YJU2B: variants seen among roughly 807,000 people sequenced by gnomAD.
YJU2B encodes the protein YJU2 splicing factor homolog B.
YJU2B carries 18 observed loss-of-function variants against 38.0 expected under a neutral mutation model. The ratio of observed to expected loss-of-function variants is 0.47; its 90% CI spans 0.33 to 0.70. YJU2B has a LOEUF of 0.70. Among genes scored for constraint, YJU2B ranks in the 30% least tolerant of loss-of-function variants. The pLI, the probability that YJU2B is intolerant of heterozygous loss-of-function variation, is 0.02. For synonymous variants in YJU2B, 246 were observed against 225.4 expected (o/e 1.09, Z -0.82); for missense variants, 538 against 556.3 (o/e 0.97, Z 0.33).
rs183818146 is a variant in YJU2B at position 13,750,298 on chromosome 19, G to T, written c.-201-1310G>T. 3.3e-5 allele frequency among the ~76,000 whole-genome samples: 5 copies of T among 151,850 alleles called. No homozygotes were observed. In the East Asian group the frequency reaches 9.8e-4, roughly 30 times the overall value. On this transcript the variant is annotated intron_variant, in intron 1 of 9. Coordinates refer to ENST00000221554, the MANE Select transcript of YJU2B (RefSeq NM_030818.4). ...GCTGGGGTGCAGTGGCGCCATCTTGGCTTACTGCAACCTCCGCCTCCCGGT... is the reference window on the plus strand; with the variant it reads ...GCTGGGGTGCAGTGGCGCCATCTTGTCTTACTGCAACCTCCGCCTCCCGGT...
At chr19:13,756,334 CAAG>C in intron 4 of YJU2B, 55 bp downstream of exon 4, 1 of 1,446,566 alleles carries the variant, frequency 6.9e-7, no homozygotes, top group Non-Finnish European at 9.7e-7. Context: ...CCTTCAGTCT[CAAG>C]GAGAGTTCAG....
chr19:13,757,044 G>A (rs576714253), intron 4 of YJU2B, among the ~76,000 whole-genome samples: 2 of 152,084 alleles, frequency 1.3e-5, no homozygotes, highest in Admixed American at 6.5e-5. Context: ...GGGAGGCTGA[G>A]GCATAAGAAT....
chr19:13,752,112 G>A (rs2145134581), intron 2 of YJU2B, among the ~76,000 whole-genome samples: 1 of 152,062 alleles, frequency 6.6e-6, no homozygotes, highest in African/African-American at 2.4e-5. Flanking sequence ...AAGCAAGCAC[G>A]TCCCACTAAT....
chr19:13,731,798 C>G (rs1161363200), exon 1 of YJU2B: 1 of 152,256 alleles, frequency 6.6e-6, no homozygotes, highest in East Asian at 1.9e-4. Flanking sequence ...GAAGGCTGAA[C>G]CCGCTTCCAG....
intron 2 of YJU2B, among the ~76,000 whole-genome samples, chr19:13,734,642 G>A (rs1045840988): frequency 6.6e-6 from 1 of 152,014 alleles, no homozygotes; most frequent in African/African-American, 2.4e-5. Flanking sequence ...AGCCTGGAGT[G>A]CAGTGCTGCA....
rs368074830 is a variant in YJU2B, at chr19:13,759,093, G to A, written c.401-7G>A. ...CCCAAAGCCCAGCCGAGCTCTGATC[G>A]TTGCAGAGCATGAGAAGAAGCAGAA... On this transcript the variant is annotated splice_region_variant and splice_polypyrimidine_tract_variant and intron_variant, in intron 7 of 9. Transcript: ENST00000221554. The A allele has an allele frequency of 4.5e-5, 72 of 1,613,406 alleles. No homozygotes were observed. The highest frequency in any genetic ancestry group is 5.1e-5 in the Non-Finnish European group (60 of 1,179,822).
chr19:13,736,254 CTTTTTTT>C (rs60385996), intron 2 of YJU2B, among the ~76,000 whole-genome samples: 2 of 104,244 alleles, frequency 1.9e-5, no homozygotes, highest in Non-Finnish European at 3.6e-5. Context: ...TTCTTTCTTT[CTTTTTTT>C]TTTTTTTTTT....
chr19:13,751,308 G>A (rs987580295), intron 1 of YJU2B, among the ~76,000 whole-genome samples: 8 of 152,152 alleles, frequency 5.3e-5, no homozygotes, highest in Admixed American at 3.9e-4. Context: ...CCAGCTACTC[G>A]GGAGACTGAG....
At chr19:13,753,268 G>A (rs1973537298) in intron 2 of YJU2B, among the ~76,000 whole-genome samples, 2 of 152,118 alleles carry the variant, frequency 1.3e-5, no homozygotes, top group Non-Finnish European at 1.5e-5. Flanking sequence ...CCAGTCTCAC[G>A]CTGCTCATAA....
chr19:13,748,626 C>T (rs1208250605), intron 1 of YJU2B, among the ~76,000 whole-genome samples: 3 of 152,126 alleles, frequency 2.0e-5, no homozygotes, highest in Non-Finnish European at 4.4e-5. Context: ...CAGGCTCTTC[C>T]CGTGGGTTAG....
At chr19:13,761,107 C>G (rs938947309) in intron 8 of YJU2B, among the ~76,000 whole-genome samples, 3 of 151,892 alleles carry the variant, frequency 2.0e-5, no homozygotes, top group Non-Finnish European at 4.4e-5. Context: ...TGGCTGGGCG[C>G]GGTGGCTCAC....
At chr19:13,745,756 T>TATA (rs1555699921), upstream of YJU2B, among the ~76,000 whole-genome samples, 4 of 146,796 alleles carry the variant, frequency 2.7e-5, no homozygotes, top group African/African-American at 1.0e-4. Context: ...TATATATATA[T>TATA]ATCAGGAGGA....
intron 6 of YJU2B, among the ~76,000 whole-genome samples, chr19:13,758,173 C>A (rs1461151028): frequency 2.6e-5 from 4 of 152,204 alleles, no homozygotes; most frequent in Non-Finnish European, 4.4e-5. Context: ...GTGCTTCCAC[C>A]TGGAATGCTC....
At chr19:13,761,818 G>A (rs752029094) in intron 8 of YJU2B, among the ~76,000 whole-genome samples, 17 of 151,530 alleles carry the variant, frequency 1.1e-4, no homozygotes, top group African/African-American at 2.4e-4. Flanking sequence ...CCACCTCCCC[G>A]GTTGAAGTGA....
At chr19:13,762,269 T>C (rs1973917533) in intron 8 of YJU2B, 30 bp from the exon 9 acceptor site, 4 of 1,610,070 alleles carry the variant, frequency 2.5e-6, no homozygotes, top group Non-Finnish European at 3.4e-6. Context: ...TGACACCCCC[T>C]ATCTCTGGTG....
chr19:13,742,166 T>G (rs1973110771), intron 2 of YJU2B, among the ~76,000 whole-genome samples: 1 of 152,144 alleles, frequency 6.6e-6, no homozygotes, highest in Non-Finnish European at 1.5e-5. Context: ...CACTGTCTGT[T>G]CATTGGGCTT....
chr19:13,762,442 G>C lies in YJU2B; in HGVS notation c.712+5G>C. The C allele has an allele frequency of 6.2e-7, 1 of 1,611,482 alleles. No individual in the cohort carries two copies. The highest frequency in any genetic ancestry group is 1.3e-5 in the African/African-American group (1 of 74,976). ...TGAAGTTCCACACCCTGGACTGTGC[G>C]TAGGAGGCCAGGGGGAAAAGGGGAC... On this transcript the variant is annotated splice_donor_5th_base_variant and intron_variant, in intron 9 of 9. Coordinates refer to ENST00000221554, the MANE Select transcript of YJU2B (RefSeq NM_030818.4).
chr19:13,762,346 G>C lies in YJU2B; in HGVS notation c.621G>C (p.Leu207Phe), dbSNP rs760071246. The C allele has an allele frequency of 8.1e-6, 13 of 1,613,852 alleles. No individual in the cohort carries two copies. In the African/African-American group the frequency reaches 1.3e-4, roughly 17 times the overall value. Residue 207 changes from leucine (L) to phenylalanine (F), a missense_variant, in exon 9 of 10, where the codon TTG becomes TTC. Leu to Phe is a conservative substitution (Grantham distance 22). This residue lies in a region of YJU2B where 488 missense variants were observed against 469.5 expected (regional missense o/e 1.04). Transcript: ENST00000221554. ...IQEEEERDQA[L>F]QAKASLTIPL... ...AGGAGGAGGAGAGAGACCAGGCCTT[G>C]CAGGCCAAGGCGAGCCTGACCATCC...
At chr19:13,750,521 C>A (rs565438420) in intron 1 of YJU2B, among the ~76,000 whole-genome samples, 3 of 152,166 alleles carry the variant, frequency 2.0e-5, no homozygotes, top group African/African-American at 7.2e-5. Flanking sequence ...GCCACCGCAC[C>A]TGGCCGGATG....
Sources: gnomAD v4.1 joint callset for allele counts (sites outside exome capture counted in the v4.1 genomes callset) on GRCh38, gnomAD v4.1.1 for gene constraint, gnomAD v4.1.1 regional missense constraint, MANE v1.5 for transcripts, NCBI Gene and HGNC (gene_info 2026-07-23, HGNC 2026-07-21) for gene names.